Variants in FHIP2A observed in about 807,000 individuals in gnomAD.
The protein encoded by FHIP2A is FHF complex subunit HOOK interacting protein 2A.
FHIP2A carries 46 observed loss-of-function variants against 93.5 expected under a neutral mutation model. The ratio of observed to expected loss-of-function variants is 0.49; its 90% confidence interval spans 0.39 to 0.63. FHIP2A has a LOEUF of 0.63. FHIP2A is among the 20% of genes least tolerant of loss of function. The pLI is 0.00. For synonymous variants in FHIP2A, 332 were observed against 326.5 expected (o/e 1.02, Z -0.18); for missense variants, 769 against 909.7 (o/e 0.85, Z 1.99).
At chr10:114,854,745 C>G (rs2083757140) in intron 13 of FHIP2A, among the ~76,000 whole-genome samples, 1 of 152,156 alleles carries the variant, frequency 6.6e-6, no homozygotes, top group South Asian at 2.1e-4. Flanking sequence ...AACATCATGC[C>G]TAGTGTGCTA....
chr10:114,824,381 T>C (rs936483909), intron 1 of FHIP2A, among the ~76,000 whole-genome samples: 1 of 152,230 alleles, frequency 6.6e-6, no homozygotes, highest in African/African-American at 2.4e-5. Context: ...TGGCTCCTGC[T>C]CTGTAATATC....
intron 4 of FHIP2A, among the ~76,000 whole-genome samples, 153 bp from the exon 5 acceptor site, chr10:114,835,971 T>C (rs1018548093): frequency 1.9e-4 from 29 of 152,316 alleles, no homozygotes; most frequent in African/African-American, 6.7e-4. Flanking sequence ...TATTTTGATA[T>C]AGATAATTAT....
At chr10:114,894,064 A>T (rs2083988598) in intron 16 of FHIP2A, among the ~76,000 whole-genome samples, 1 of 152,172 alleles carries the variant, frequency 6.6e-6, no homozygotes, top group Non-Finnish European at 1.5e-5. Context: ...TTTCTTAAAA[A>T]GTCTTGGTTT....
At position 114,846,678 on chromosome 10, in the gene FHIP2A, G is replaced by C. The variant is rs541927540; in HGVS notation, c.1518G>C (p.Leu506Phe). ...EERNYTEYKPLCPEDKDVVEN... is the reference protein window; with the variant it reads ...EERNYTEYKPFCPEDKDVVEN... ...GAAATTATACAGAATATAAACCTTT[G>C]TGCCCAGAAGATAAAGATGTGGTAG... Residue 506 changes from leucine to phenylalanine, a missense_variant, in exon 11 of 17, where the codon TTG (leucine) becomes TTC (phenylalanine). Leu to Phe is a conservative substitution (Grantham distance 22). Transcript: ENST00000369248. The C allele has an allele frequency of 6.2e-7, 1 of 1,609,372 alleles. No homozygotes were observed. Among genetic ancestry groups the C allele is most frequent in the African/African-American group, 1.3e-5 (1 of 74,708 alleles).
intron 16 of FHIP2A, among the ~76,000 whole-genome samples, chr10:114,872,077 G>C (rs567992046): frequency 1.2e-3 from 176 of 152,286 alleles, no homozygotes; most frequent in African/African-American, 4.2e-3. Context: ...ATAATCCTCA[G>C]ATTTCTGCCT....
intron 1 of FHIP2A, among the ~76,000 whole-genome samples, chr10:114,822,497 G>A (rs1423301428): frequency 1.3e-5 from 2 of 152,336 alleles, no homozygotes; most frequent in Admixed American, 6.5e-5. Context: ...GCTCCCCCGG[G>A]CTCCCTTAAC....
downstream of FHIP2A, among the ~76,000 whole-genome samples, chr10:114,866,571 G>T (rs61868019): frequency 6.5e-3 from 995 of 152,198 alleles, 8 homozygotes; most frequent in Non-Finnish European, 0.011. Flanking sequence ...AACCAAACAA[G>T]AATTTTGTTT....
chr10:114,834,843 A>G (rs910901561), intron 3 of FHIP2A, among the ~76,000 whole-genome samples: 1 of 152,092 alleles, frequency 6.6e-6, no homozygotes, highest in Non-Finnish European at 1.5e-5. Context: ...AGGTCCACAT[A>G]TAGGCAGAAT....
intron 13 of FHIP2A, among the ~76,000 whole-genome samples, chr10:114,850,801 T>G (rs2083730453): frequency 6.6e-6 from 1 of 152,224 alleles, no homozygotes; most frequent in Non-Finnish European, 1.5e-5. Context: ...TAGTAGATCC[T>G]TATCAGATAC....
intron 1 of FHIP2A, among the ~76,000 whole-genome samples, chr10:114,823,606 T>C (rs2083555583): frequency 6.6e-6 from 1 of 151,614 alleles, no homozygotes; most frequent in South Asian, 2.1e-4. Flanking sequence ...GCGATTCTCC[T>C]GCCTCAGCCT....
intron 16 of FHIP2A, among the ~76,000 whole-genome samples, chr10:114,871,289 A>C (rs978288721): frequency 2.6e-5 from 4 of 152,012 alleles, no homozygotes; most frequent in Non-Finnish European, 5.9e-5. Context: ...AGTAGCTGGG[A>C]CTACAGGATC....
rs1401864682 is a variant in FHIP2A, at chr10:114,862,872, G to A, written c.*1332G>A. ...GCTATCAAAGGTTCCGGCTTGAAGG[G>A]AACTGTCACTACCCCCTCTAGGAAG... is the stretch of plus-strand genomic sequence containing the variant. On this transcript the variant is annotated 3_prime_UTR_variant, in exon 17 of 17. Transcript: ENST00000369248. 1 of 985,316 alleles carries A rather than the reference G, an allele frequency of 1.0e-6. No individual in the cohort carries two copies. The highest frequency in any genetic ancestry group is 1.2e-6 in the Non-Finnish European group (1 of 829,942). 61.0% of individuals were successfully genotyped at this position (985,316 alleles called of 1,614,324 possible).
At chr10:114,846,768 T>C (rs368371753) in intron 11 of FHIP2A, 40 bp downstream of exon 11, 1 of 1,517,342 alleles carries the variant, frequency 6.6e-7, no homozygotes, top group African/African-American at 1.4e-5. Flanking sequence ...GCATTTCATG[T>C]AGAGATAGAA....
At chr10:114,878,453 G>A (rs942963681) in intron 16 of FHIP2A, among the ~76,000 whole-genome samples, 1 of 152,182 alleles carries the variant, frequency 6.6e-6, no homozygotes, top group Non-Finnish European at 1.5e-5. Context: ...TTTGTGGATG[G>A]ACAATGGGAA....
At chr10:114,891,003 C>G (rs769086888) in intron 16 of FHIP2A, among the ~76,000 whole-genome samples, 8 of 150,990 alleles carry the variant, frequency 5.3e-5, no homozygotes, top group Non-Finnish European at 1.2e-4. Context: ...ACCAGCCTGG[C>G]CAACATACTG....
intron 2 of FHIP2A, among the ~76,000 whole-genome samples, chr10:114,832,470 A>G (rs1252190796): frequency 6.6e-6 from 1 of 152,162 alleles, no homozygotes; most frequent in Non-Finnish European, 1.5e-5. Flanking sequence ...TGTCCTCTTC[A>G]TATATCCCAG....
At chr10:114,891,537 A>ATGTG (rs34032569) in intron 16 of FHIP2A, among the ~76,000 whole-genome samples, 4,311 of 137,148 alleles carry the variant, frequency 0.031, 80 homozygotes, top group African/African-American at 0.063. Context: ...ATATATATAT[A>ATGTG]TGTGTGTGTG....
intron 1 of FHIP2A, among the ~76,000 whole-genome samples, chr10:114,823,485 T>A (rs149449624): frequency 1.3e-5 from 1 of 79,210 alleles, no homozygotes; most frequent in Admixed American, 1.1e-4. Flanking sequence ...CATTTAATTT[T>A]ATTTATTTAT....
At chr10:114,884,536 A>G (rs2083932043) in intron 16 of FHIP2A, among the ~76,000 whole-genome samples, 1 of 152,226 alleles carries the variant, frequency 6.6e-6, no homozygotes, top group Admixed American at 6.5e-5. Flanking sequence ...GCTCTGTGCC[A>G]GACACTCACT....
Sources: gnomAD v4.1 joint callset for allele counts (sites outside exome capture counted in the v4.1 genomes callset) on GRCh38, gnomAD v4.1.1 for gene constraint, MANE v1.5 for transcripts, NCBI Gene and HGNC (gene_info 2026-07-23, HGNC 2026-07-21) for gene names.